The following KCNIP4 variants were observed in gnomAD, a reference collection of about 807,000 sequenced individuals.
The protein encoded by KCNIP4 is potassium voltage-gated channel interacting protein 4.
Under a neutral mutation model 34.0 loss-of-function variants are expected in KCNIP4, and 12 were observed. The observed-to-expected ratio is 0.35, with a 90% CI of 0.23 to 0.57. KCNIP4 has a LOEUF of 0.57. Among genes scored for constraint, KCNIP4 ranks in the 20% least tolerant of loss-of-function variants. The probability of loss-of-function intolerance (pLI) is 0.83; values close to 1 mark genes in which losing one functional copy is unlikely to be tolerated. For synonymous variants in KCNIP4, 124 were observed against 102.2 expected, an observed-to-expected ratio of 1.21 and a Z score of -1.29; for missense variants, 238 against 311.7, an observed-to-expected ratio of 0.76 and a Z score of 1.78.
intron 1 of KCNIP4, among the ~76,000 whole-genome samples, chr4:21,065,734 A>T (rs1243321243): frequency 3.8e-5 from 4 of 104,852 alleles, no homozygotes; most frequent in African/African-American, 1.4e-4. Flanking sequence ...GTCTATATAT[A>T]TATATATATA....
In KCNIP4 at chr4:21,402,865, A is replaced by AT. The variant is rs200037617; in HGVS notation, c.62-520157dup. Among the ~76,000 whole-genome samples the AT allele has an allele frequency of 7.9e-3, 1,205 of 152,226 alleles. 24 individuals carry two copies. The highest frequency in any genetic ancestry group is 0.027 in the African/African-American group (1,142 of 41,528). ...ATATAAGCATTCTATAATACATCCT[A>AT]TTTTTTAAAAAAAACAAAAGACTTC... On this transcript the variant is annotated intron_variant, in intron 1 of 8. Transcript: ENST00000382152.
chr4:21,730,810 G>C (rs1560672014), intron 1 of KCNIP4, among the ~76,000 whole-genome samples: 1 of 152,068 alleles, frequency 6.6e-6, no homozygotes, highest in Non-Finnish European at 1.5e-5. Flanking sequence ...TGGTTATTGT[G>C]CAAATTAAGA....
At chr4:21,150,999 C>G (rs1252781924) in intron 1 of KCNIP4, among the ~76,000 whole-genome samples, 1 of 152,036 alleles carries the variant, frequency 6.6e-6, no homozygotes, top group Admixed American at 6.6e-5. Flanking sequence ...TTGTTTCTGT[C>G]TAAAAATCTA....
At chr4:20,816,742 A>G (rs1716434752) in intron 3 of KCNIP4, among the ~76,000 whole-genome samples, 1 of 152,244 alleles carries the variant, frequency 6.6e-6, no homozygotes, top group Non-Finnish European at 1.5e-5. Context: ...GCAACACTGA[A>G]AGAACCGTGG....
At chr4:21,618,744 T>C (rs1269567821) in intron 1 of KCNIP4, among the ~76,000 whole-genome samples, 2 of 149,360 alleles carry the variant, frequency 1.3e-5, no homozygotes, top group Non-Finnish European at 3.0e-5. Context: ...GCCATTCTCC[T>C]GCCTCAGCCT....
chr4:21,203,350 A>AC (rs779015850), intron 1 of KCNIP4, among the ~76,000 whole-genome samples: 204 of 152,150 alleles, frequency 1.3e-3, no homozygotes, highest in Admixed American at 2.0e-3. Flanking sequence ...TGGCAGAAAA[A>AC]AGGGGCATTG....
At chr4:21,770,673 G>A (rs913210327) in intron 1 of KCNIP4, among the ~76,000 whole-genome samples, 2 of 152,104 alleles carry the variant, frequency 1.3e-5, no homozygotes, top group African/African-American at 4.8e-5. Context: ...ATCGCATTGT[G>A]ATTTTGATTT....
chr4:21,316,525 A>G (rs1713778827), intron 1 of KCNIP4: 1 of 152,148 alleles, frequency 6.6e-6, no homozygotes, highest in South Asian at 2.1e-4. Flanking sequence ...ATGGCAGAAA[A>G]CTTTAATCAT....
intron 1 of KCNIP4, among the ~76,000 whole-genome samples, chr4:21,786,865 G>A (rs533136277): frequency 1.3e-5 from 2 of 151,890 alleles, no homozygotes; most frequent in African/African-American, 2.4e-5. Context: ...GTGCCCCGCC[G>A]AGAGTAACTC....
intron 1 of KCNIP4, among the ~76,000 whole-genome samples, chr4:21,414,154 G>A (rs192665335): frequency 1.1e-4 from 16 of 152,144 alleles, no homozygotes; most frequent in Admixed American, 3.3e-4. Context: ...AAAAAGCAGC[G>A]AAGTGAAACA....
intron 1 of KCNIP4, among the ~76,000 whole-genome samples, chr4:21,710,160 T>C (rs1713610084): frequency 6.6e-6 from 1 of 152,364 alleles, no homozygotes; most frequent in East Asian, 1.9e-4. Context: ...CTTTAGCACT[T>C]CATCCTACAA....
At chr4:21,233,757 G>A (rs1283877796) in intron 1 of KCNIP4, among the ~76,000 whole-genome samples, 3 of 148,018 alleles carry the variant, frequency 2.0e-5, no homozygotes, top group African/African-American at 7.4e-5. Flanking sequence ...TTAATCCACT[G>A]ACCTTCAAAA....
Position 21,547,433 on chromosome 4 carries a change from A to G in KCNIP4, c.61+401138T>C, listed in dbSNP as rs192717510. On this transcript the variant is annotated intron_variant, in intron 1 of 8. Transcript: ENST00000382152. ...TATATGACACATGCACTTTTTAAAA[A>G]TAGCTCCTTTGGCAGAGTTTTGTGT... 9.2e-5 allele frequency among the ~76,000 whole-genome samples: 14 copies of G among 152,256 alleles called. No individual in the cohort carries two copies. In the East Asian group the frequency reaches 2.1e-3, roughly 23 times the overall value.
chr4:21,835,651 T>C (rs972347250), intron 1 of KCNIP4, among the ~76,000 whole-genome samples: 41 of 152,256 alleles, frequency 2.7e-4, no homozygotes, highest in African/African-American at 7.2e-4. Flanking sequence ...GTTTCCAACA[T>C]TTACAAATTA....
rs560636435 is a variant in KCNIP4 at position 21,014,292 on chromosome 4, C to A, written c.62-131583G>T. ...AAAAACTTAGGAGGTGTCTTGAATT[C>A]TCCTTTCCCCTCAAAGCCCATCATA... On this transcript the variant is annotated intron_variant, in intron 1 of 8. Coordinates refer to ENST00000382152, the MANE Select transcript of KCNIP4 (RefSeq NM_025221.6). Among the ~76,000 whole-genome samples the A allele has an allele frequency of 3.3e-5, 5 of 152,292 alleles. No individual in the cohort carries two copies. The South Asian group carries it at 1.0e-3, about 32-fold the overall frequency.
At chr4:21,155,305 C>T (rs876477) in intron 1 of KCNIP4, among the ~76,000 whole-genome samples, 8,137 of 152,064 alleles carry the variant, frequency 0.054, 275 homozygotes, top group East Asian at 0.15. Context: ...AAATGGCCTT[C>T]GAAGGAAATG....
chr4:20,848,473 G>A (rs561938298), intron 3 of KCNIP4, among the ~76,000 whole-genome samples: 1 of 142,068 alleles, frequency 7.0e-6, no homozygotes, highest in East Asian at 2.0e-4. Flanking sequence ...AAGAAGAGAA[G>A]GACATATGGG....
At chr4:21,360,069 C>G (rs1719055983) in intron 1 of KCNIP4, among the ~76,000 whole-genome samples, 1 of 152,028 alleles carries the variant, frequency 6.6e-6, no homozygotes, top group Non-Finnish European at 1.5e-5. Context: ...GTACTGAGCT[C>G]TACTGTGCGT....
At chr4:20,837,517 C>T (rs919955618) in intron 3 of KCNIP4, among the ~76,000 whole-genome samples, 3 of 151,624 alleles carry the variant, frequency 2.0e-5, no homozygotes, top group East Asian at 1.9e-4. Flanking sequence ...ATGAATGGTG[C>T]CCTAGAATTT....
Sources: allele counts gnomAD v4.1 joint callset (sites outside exome capture counted in the v4.1 genomes callset), GRCh38; gene constraint gnomAD v4.1.1; transcripts MANE v1.5; gene names NCBI Gene and HGNC (gene_info 2026-07-23, HGNC 2026-07-21).